Variants in RAB33B observed in about 807,000 individuals in gnomAD.
RAB33B encodes RAB33B, member RAS oncogene family.
In RAB33B, 6 loss-of-function variants were observed where a neutral mutation model predicts 15.0. That is an observed-to-expected ratio of 0.40 (90% CI 0.22 to 0.79). The LOEUF (loss-of-function observed/expected upper bound fraction) is 0.79. Ranked by LOEUF, RAB33B falls within the 30% of genes least tolerant of loss-of-function variation. The pLI, the probability that RAB33B is intolerant of heterozygous loss-of-function variation, is 0.37. For missense variants in RAB33B, 257 were observed against 296.4 expected (o/e 0.87, Z 0.98); for synonymous variants, 117 against 108.3 (o/e 1.08, Z -0.50).
chr4:139,443,592 T>C, the RAB33B span, among the ~76,000 whole-genome samples: 3 of 152,078 alleles, frequency 2.0e-5, no homozygotes, highest in Non-Finnish European at 4.4e-5. Context: ...AGACACAAGC[T>C]CTTATTAGGC....
At chr4:139,470,599 C>G (rs1750369898) in intron 1 of RAB33B, among the ~76,000 whole-genome samples, 1 of 152,212 alleles carries the variant, frequency 6.6e-6, no homozygotes, top group South Asian at 2.1e-4. Flanking sequence ...TTTTCTCAAG[C>G]AGGAGTTTTG....
rs368228699 is a variant in RAB33B at position 139,454,225 on chromosome 4, G to A, written c.30G>A (p.Glu10=). 2.5e-6 allele frequency: 4 copies of A among 1,613,894 alleles called. No homozygotes were observed. Among genetic ancestry groups the A allele is most frequent in the Admixed American group, 1.7e-5 (1 of 59,974 alleles). Residue 10 remains glutamate, a synonymous_variant, in exon 1 of 2, where the codon GAG becomes GAA. Transcript: ENST00000305626. The part of the protein sequence containing the change: MAEEMESSL[E]ASFSSSGAVS... ...CTGAGGAGATGGAGTCGTCGCTCGA[G>A]GCAAGCTTTTCGTCCAGCGGGGCAG...
In RAB33B at chr4:139,473,234, C is replaced by G; in HGVS notation, c.*108C>G. 1 of 986,492 alleles carries G rather than the reference C, an allele frequency of 1.0e-6. No individual in the cohort carries two copies. The highest frequency in any genetic ancestry group is 1.5e-6 in the Non-Finnish European group (1 of 688,442). 61.1% of individuals were successfully genotyped at this position (986,492 alleles called of 1,614,324 possible). A position where few individuals can be genotyped will look rare whatever the true frequency, so the allele number is the denominator to read the frequency against. Reference sequence around the variant, plus strand: ...TCAACTATAATGGGTCATCTTGACACTTTGCTGTTTGTCATTGTCACGCTT... The same window carrying G: ...TCAACTATAATGGGTCATCTTGACAGTTTGCTGTTTGTCATTGTCACGCTT... On this transcript the variant is annotated 3_prime_UTR_variant, in exon 2 of 2. Coordinates refer to ENST00000305626, the MANE Select transcript of RAB33B (RefSeq NM_031296.3).
chr4:139,452,987 T>C (rs1749959797), upstream of RAB33B: 1 of 152,254 alleles, frequency 6.6e-6, no homozygotes, highest in African/African-American at 2.4e-5. Context: ...TTGGGGCCTT[T>C]TGTATGACAA....
intron 1 of RAB33B, among the ~76,000 whole-genome samples, chr4:139,471,828 C>T (rs565430485): frequency 6.6e-5 from 10 of 152,238 alleles, no homozygotes; most frequent in East Asian, 1.9e-4. Context: ...TCCAAGGTTA[C>T]GAAGAGTTAA....
the RAB33B span, among the ~76,000 whole-genome samples, chr4:139,439,636 C>T: frequency 6.6e-6 from 1 of 152,234 alleles, no homozygotes; most frequent in South Asian, 2.1e-4. Flanking sequence ...CTCTCTTCTC[C>T]TTCTGTAGTT....
chr4:139,439,199 A>G, the RAB33B span, among the ~76,000 whole-genome samples: 1 of 152,084 alleles, frequency 6.6e-6, no homozygotes, highest in Non-Finnish European at 1.5e-5. Flanking sequence ...ATGGGGTTTC[A>G]CTGTGTTAAC....
the RAB33B span, among the ~76,000 whole-genome samples, chr4:139,445,682 C>T: frequency 6.6e-6 from 1 of 152,158 alleles, no homozygotes; most frequent in African/African-American, 2.4e-5. Context: ...ACCCGAAAGG[C>T]TGCCAGTTTT....
At chr4:139,448,803 GTA>G (rs1749871359), upstream of RAB33B, 1 of 152,236 alleles carries the variant, frequency 6.6e-6, no homozygotes, top group Admixed American at 6.5e-5. Context: ...TGTTTGTAGA[GTA>G]TGTGTGTGTT....
intron 1 of RAB33B, among the ~76,000 whole-genome samples, chr4:139,458,065 G>C (rs117880534): frequency 5.9e-5 from 9 of 152,088 alleles, no homozygotes; most frequent in Admixed American, 5.9e-4. Context: ...CAAAATGCCC[G>C]ATTAATGTTG....
At chr4:139,458,283 CT>C (rs916308994) in intron 1 of RAB33B, among the ~76,000 whole-genome samples, 2 of 149,060 alleles carry the variant, frequency 1.3e-5, no homozygotes, top group Admixed American at 6.7e-5. Flanking sequence ...GTCTCTCTCT[CT>C]TTTTTTTTTA....
chr4:139,471,287 C>T (rs370690440), intron 1 of RAB33B, among the ~76,000 whole-genome samples: 28 of 152,172 alleles, frequency 1.8e-4, no homozygotes, highest in Middle Eastern at 3.4e-3. Flanking sequence ...GAGTTTGGTC[C>T]GGTTTTCCTT....
upstream of RAB33B, chr4:139,449,349 G>GT (rs1749881253): frequency 1.3e-5 from 2 of 152,172 alleles, no homozygotes; most frequent in African/African-American, 4.8e-5. Context: ...ATATGTATGT[G>GT]TTTAAGTTGA....
At chr4:139,461,819 G>A (rs1398012577) in intron 1 of RAB33B, among the ~76,000 whole-genome samples, 2 of 151,408 alleles carry the variant, frequency 1.3e-5, no homozygotes, top group African/African-American at 4.9e-5. Flanking sequence ...GCCTGTCATC[G>A]CTTGAACCTG....
intron 1 of RAB33B, among the ~76,000 whole-genome samples, chr4:139,468,425 A>G (rs1750331369): frequency 6.6e-6 from 1 of 152,224 alleles, no homozygotes; most frequent in Non-Finnish European, 1.5e-5. Context: ...ACAAACAAAC[A>G]AAAAACTAAT....
At chr4:139,441,117 C>T in the RAB33B span, among the ~76,000 whole-genome samples, 1 of 152,188 alleles carries the variant, frequency 6.6e-6, no homozygotes, top group African/African-American at 2.4e-5. Flanking sequence ...AATCTCATCT[C>T]CCAGTAGGCT....
intron 1 of RAB33B, among the ~76,000 whole-genome samples, chr4:139,461,210 G>A (rs1444428185): frequency 5.3e-5 from 8 of 152,206 alleles, no homozygotes; most frequent in African/African-American, 1.9e-4. Flanking sequence ...GCGAACCTCT[G>A]ATTGGTCAGA....
the RAB33B span, among the ~76,000 whole-genome samples, chr4:139,438,880 T>C: frequency 6.6e-6 from 1 of 152,244 alleles, no homozygotes; most frequent in East Asian, 1.9e-4. Context: ...TAGTGTCCTT[T>C]CAACTTGCAG....
chr4:139,464,125 TA>T (rs1579178065), intron 1 of RAB33B, among the ~76,000 whole-genome samples: 1 of 151,982 alleles, frequency 6.6e-6, no homozygotes, highest in Admixed American at 6.5e-5. Context: ...CTACAAAAAG[TA>T]AAAACTTAGC....
Sources: allele counts gnomAD v4.1 joint callset (sites outside exome capture counted in the v4.1 genomes callset), GRCh38; gene constraint gnomAD v4.1.1; transcripts MANE v1.5; gene names NCBI Gene and HGNC (gene_info 2026-07-23, HGNC 2026-07-21).